The following IL1RAPL1 variants were observed in gnomAD, a reference collection of about 807,000 sequenced individuals.
IL1RAPL1 encodes interleukin 1 receptor accessory protein like 1.
In IL1RAPL1, 3 loss-of-function variants were observed where a neutral mutation model predicts 48.4. The ratio of observed to expected loss-of-function variants is 0.06; its 90% CI spans 0.03 to 0.16. The LOEUF (loss-of-function observed/expected upper bound fraction) is 0.16. IL1RAPL1 is among the 10% of genes least tolerant of loss of function. The pLI is 1.00. For synonymous variants in IL1RAPL1, 185 were observed against 187.7 expected, an observed-to-expected ratio of 0.99 and a Z score of 0.12; for missense variants, 349 against 530.6, an observed-to-expected ratio of 0.66 and a Z score of 3.36.
intron 5 of IL1RAPL1, among the ~76,000 whole-genome samples, chrX:29,515,232 A>G (rs1319059298): frequency 8.9e-6 from 1 of 112,777 alleles, no homozygotes; most frequent in Non-Finnish European, 1.9e-5. Flanking sequence ...GAGATCTCAT[A>G]TATCCTTTAA....
intron 2 of IL1RAPL1, among the ~76,000 whole-genome samples, chrX:29,208,735 T>A (rs1005704158): frequency 8.4e-4 from 69 of 81,717 alleles, no homozygotes; most frequent in African/African-American, 2.4e-3. Flanking sequence ...ATAATAATAA[T>A]AAATAAATAA....
At chrX:29,786,533 T>C (rs1324193807) in intron 6 of IL1RAPL1, among the ~76,000 whole-genome samples, 1 of 111,893 alleles carries the variant, frequency 8.9e-6, no homozygotes, top group African/African-American at 3.3e-5. Flanking sequence ...CAAAATAAAA[T>C]GGAAAGCTAT....
chrX:29,441,153 C>T, intron 5 of IL1RAPL1, among the ~76,000 whole-genome samples: 1 of 111,164 alleles, frequency 9.0e-6, no homozygotes, highest in East Asian at 2.8e-4. Context: ...CAAATATGCC[C>T]AGCTACCTAC....
At chrX:28,769,119 C>T (rs1936283490) in intron 1 of IL1RAPL1, among the ~76,000 whole-genome samples, 1 of 108,052 alleles carries the variant, frequency 9.3e-6, no homozygotes, top group Non-Finnish European at 1.9e-5. Context: ...ATATGAGTTA[C>T]AGCTTACACC....
intron 5 of IL1RAPL1, among the ~76,000 whole-genome samples, chrX:29,462,087 A>G (rs764609340): frequency 1.8e-5 from 2 of 112,445 alleles, no homozygotes; most frequent in African/African-American, 6.5e-5. Flanking sequence ...TGATTTTTCT[A>G]GAAAGATTTT....
intron 6 of IL1RAPL1, among the ~76,000 whole-genome samples, chrX:29,812,967 A>T (rs778060436): frequency 5.4e-5 from 6 of 111,453 alleles, no homozygotes; most frequent in Non-Finnish European, 1.1e-4. Flanking sequence ...TAGGAAAGAG[A>T]TGAGCCATTT....
intron 2 of IL1RAPL1, among the ~76,000 whole-genome samples, chrX:28,951,770 T>C (rs1924473469): frequency 8.9e-6 from 1 of 111,934 alleles, no homozygotes; most frequent in African/African-American, 3.2e-5. Flanking sequence ...TAGTTCACTA[T>C]AGTGGAGCAT....
intron 5 of IL1RAPL1, among the ~76,000 whole-genome samples, chrX:29,473,845 A>T (rs1239871826): frequency 9.0e-6 from 1 of 111,556 alleles, no homozygotes. Flanking sequence ...CCTTTGATCT[A>T]CAGATCCTTT....
chrX:28,851,102 A>G (rs4893598), intron 2 of IL1RAPL1, among the ~76,000 whole-genome samples: 40,111 of 102,532 alleles, frequency 0.39, 6,283 homozygotes, highest in East Asian at 0.54. Flanking sequence ...CAATTTTGTA[A>G]CAGAGGCTCA....
intron 2 of IL1RAPL1, among the ~76,000 whole-genome samples, chrX:28,851,414 TG>T (rs1464539331): frequency 9.0e-6 from 1 of 111,528 alleles, no homozygotes; most frequent in Non-Finnish European, 1.9e-5. Context: ...ACAAATTATT[TG>T]GGAACTTTGG....
chrX:29,943,727 G>A (rs926716966), intron 9 of IL1RAPL1, among the ~76,000 whole-genome samples: 4 of 111,410 alleles, frequency 3.6e-5, no homozygotes, highest in Non-Finnish European at 7.5e-5. Context: ...CAATTTCTAG[G>A]GCAGTAATCT....
chrX:29,145,017 C>T (rs1159236198), intron 2 of IL1RAPL1, among the ~76,000 whole-genome samples: 1 of 110,889 alleles, frequency 9.0e-6, no homozygotes. Flanking sequence ...GCATGAGCCA[C>T]CATGCCCGGC....
intron 6 of IL1RAPL1, among the ~76,000 whole-genome samples, chrX:29,895,666 C>T (rs1932370373): frequency 8.9e-6 from 1 of 112,844 alleles, no homozygotes. Context: ...TTCTGATAAG[C>T]ATTTATTGAG....
rs182326258 is a variant in IL1RAPL1, at chrX:28,887,855, C to A, written c.82+98430C>A. On this transcript the variant is annotated intron_variant, in intron 2 of 10. Coordinates refer to ENST00000378993, the MANE Select transcript of IL1RAPL1 (RefSeq NM_014271.4). ...CAGAAAAGAATGTGGTTAAAAAAAACCCCTAAGTTGGACAATATTCTGATT... is the reference window on the plus strand; with the variant it reads ...CAGAAAAGAATGTGGTTAAAAAAAAACCCTAAGTTGGACAATATTCTGATT... Among the ~76,000 whole-genome samples the A allele has an allele frequency of 9.9e-3, 1,091 of 110,719 alleles. 10 individuals are homozygous for A. The highest frequency in any genetic ancestry group is 0.034 in the African/African-American group (1,044 of 30,461).
At chrX:29,294,378 A>C (rs1932417011) in intron 3 of IL1RAPL1, among the ~76,000 whole-genome samples, 1 of 109,238 alleles carries the variant, frequency 9.2e-6, no homozygotes, top group Non-Finnish European at 1.9e-5. Flanking sequence ...AATACAAAAA[A>C]TGAGCCGGGC....
At chrX:29,723,446 G>A (rs776292067) in intron 6 of IL1RAPL1, among the ~76,000 whole-genome samples, 4 of 111,290 alleles carry the variant, frequency 3.6e-5, no homozygotes, top group Admixed American at 9.5e-5. Flanking sequence ...ACGGGGTTTC[G>A]CCATGTTGGC....
chrX:29,692,907 A>G (rs1926810396), intron 6 of IL1RAPL1, among the ~76,000 whole-genome samples: 1 of 111,748 alleles, frequency 8.9e-6, no homozygotes, highest in Non-Finnish European at 1.9e-5. Context: ...TGCTGTTGGT[A>G]TCTTTAGGTC....
rs369798425 is a variant in IL1RAPL1 at position 29,613,824 on chromosome X, C to T, written c.704-54606C>T. On this transcript the variant is annotated intron_variant, in intron 5 of 10. Transcript: ENST00000378993. ...TGTTGCCCAGGCTGGAGTGCAGTGG[C>T]GCAATCTCGGCTCACTGCAAGCTCC... Among the ~76,000 whole-genome samples the T allele has an allele frequency of 2.7e-4, 26 of 95,233 alleles. No homozygotes were observed. The East Asian group carries it at 4.6e-3, about 17-fold the overall frequency. 82.7% of individuals were successfully genotyped at this position (95,233 alleles called of 115,157 possible). A position where few individuals can be genotyped will look rare whatever the true frequency, so the allele number is the denominator to read the frequency against.
chrX:29,891,227 A>C (rs920478453), intron 6 of IL1RAPL1, among the ~76,000 whole-genome samples: 4 of 105,661 alleles, frequency 3.8e-5, no homozygotes, highest in South Asian at 3.8e-4. Flanking sequence ...TATTCAAATC[A>C]AATAATTAAG....
Sources: allele counts gnomAD v4.1 joint callset (sites outside exome capture counted in the v4.1 genomes callset), GRCh38; gene constraint gnomAD v4.1.1; transcripts MANE v1.5; gene names NCBI Gene and HGNC (gene_info 2026-07-23, HGNC 2026-07-21).